DDX11: variants seen among roughly 807,000 people sequenced by gnomAD.
DDX11 encodes DEAD/H-box helicase 11, also known as ATP-dependent DNA helicase DDX11.
In DDX11, 72 loss-of-function variants were observed where a neutral mutation model predicts 125.2. That is an observed-to-expected ratio of 0.58 (90% CI 0.48 to 0.70). The LOEUF is 0.70. Among genes scored for constraint, DDX11 ranks in the 30% least tolerant of loss-of-function variants. The pLI is 0.00. For synonymous variants in DDX11, 347 were observed against 452.6 expected (o/e 0.77, Z 2.96); for missense variants, 883 against 1,165.0 (o/e 0.76, Z 3.52).
intron 1 of DDX11, among the ~76,000 whole-genome samples, chr12:31,076,398 T>G (rs1267959820): frequency 6.6e-6 from 1 of 152,136 alleles, no homozygotes; most frequent in Non-Finnish European, 1.5e-5. Flanking sequence ...TCTGCCTCTG[T>G]TTTTGGCTTT....
intron 7 of DDX11, 53 bp downstream of exon 7, chr12:31,089,204 A>G (rs1358678625): frequency 6.5e-7 from 1 of 1,534,892 alleles, no homozygotes; most frequent in Non-Finnish European, 9.0e-7. Context: ...TTTCGCCACA[A>G]CTTTGTCCTG....
chr12:31,081,552 G>C (rs534642589), intron 2 of DDX11, among the ~76,000 whole-genome samples: 27 of 151,404 alleles, frequency 1.8e-4, no homozygotes, highest in Non-Finnish European at 3.7e-4. Context: ...CATGCTTTGC[G>C]GGGATCTATG....
intron 2 of DDX11, among the ~76,000 whole-genome samples, chr12:31,079,098 C>A (rs1941332119): frequency 6.6e-6 from 1 of 152,178 alleles, no homozygotes; most frequent in African/African-American, 2.4e-5. Context: ...CCCTCCCGTT[C>A]CCCATCCTTC....
At chr12:31,088,549 A>C (rs1487865867) in intron 6 of DDX11, among the ~76,000 whole-genome samples, 2 of 151,642 alleles carry the variant, frequency 1.3e-5, no homozygotes, top group Non-Finnish European at 2.9e-5. Flanking sequence ...TTGATTTATG[A>C]CTTGTTTTCT....
intron 5 of DDX11, 154 bp from the exon 6 acceptor site, chr12:31,087,784 C>A: frequency 7.3e-7 from 1 of 1,369,186 alleles, no homozygotes; most frequent in Non-Finnish European, 1.0e-6. Context: ...TGGCATTTGC[C>A]TGGGGGAGTT....
chr12:31,087,825 G>T (rs1168998783), intron 5 of DDX11, 113 bp from the exon 6 acceptor site: 11 of 1,497,504 alleles, frequency 7.3e-6, no homozygotes, highest in Non-Finnish European at 8.1e-6. Flanking sequence ...TACCTTGGTG[G>T]AACCCATTGC....
At chr12:31,082,970 C>G (rs1361006983) in intron 2 of DDX11, among the ~76,000 whole-genome samples, 1 of 152,174 alleles carries the variant, frequency 6.6e-6, no homozygotes, top group African/African-American at 2.4e-5. Flanking sequence ...GATATTAGCC[C>G]TTTAGGCTGG....
chr12:31,075,766 G>A (rs1199936033), intron 1 of DDX11, among the ~76,000 whole-genome samples: 1 of 152,220 alleles, frequency 6.6e-6, no homozygotes, highest in Non-Finnish European at 1.5e-5. Flanking sequence ...TGGAGCCAGA[G>A]AAGAGCAAGA....
chr12:31,099,080 C>CTTTTTTTTTTTTT lies in DDX11; in HGVS notation c.1875+1086_1875+1087insTTTTTTTTTTTTT, dbSNP rs1467965765. Among the ~76,000 whole-genome samples the CTTTTTTTTTTTTT allele has an allele frequency of 6.7e-3, 542 of 80,976 alleles. 60 individuals carry two copies. The highest frequency in any genetic ancestry group is 9.0e-3 in the East Asian group (21 of 2,342). 53.1% of individuals were successfully genotyped at this position (80,976 alleles called of 152,430 possible). A position where few individuals can be genotyped will look rare whatever the true frequency, so the allele number is the denominator to read the frequency against. Reference sequence around the variant, plus strand: ...AATCCATACTGGTATTTCTTTCTTTCTTTCTTTTTTTTTTTTTTTTTTTTT... The same window carrying CTTTTTTTTTTTTT: ...AATCCATACTGGTATTTCTTTCTTTCTTTTTTTTTTTTTTTTCTTTTTTTTTTTTTTTTTTTTT... On this transcript the variant is annotated intron_variant, in intron 18 of 26. Coordinates refer to ENST00000542838, the MANE Select transcript of DDX11 (RefSeq NM_030653.4).
intron 17 of DDX11, 61 bp downstream of exon 17, chr12:31,097,051 G>C (rs543298119): frequency 2.5e-6 from 4 of 1,604,734 alleles, no homozygotes; most frequent in Non-Finnish European, 3.4e-6. Context: ...GAGCCCGGGA[G>C]CCGCAGCGTG....
In DDX11 at chr12:31,102,519, C is replaced by A; in HGVS notation, c.2364C>A (p.Asn788Lys). 6.2e-7 allele frequency: 1 copy of A among 1,613,482 alleles called. No homozygotes were observed. Among genetic ancestry groups the A allele is most frequent in the African/African-American group, 1.3e-5 (1 of 75,026 alleles). The change falls in exon 23 of 27, where the codon AAC (asparagine) becomes AAA (lysine). Residue 788 changes from asparagine to lysine, a missense_variant. By Grantham distance (94) the Asn-to-Lys change is moderately conservative. Transcript: ENST00000542838. ...GTGAAGGGATCAACTTCTCTGACAA[C>A]CTAGGCCGGTAAGTAGTGGTTCTGC... Reference protein sequence around the residue: ...KMSEGINFSDNLGRCVVMVGM... With the variant: ...KMSEGINFSDKLGRCVVMVGM...
chr12:31,090,577 T>C (rs1409200251), intron 9 of DDX11, among the ~76,000 whole-genome samples: 1 of 152,178 alleles, frequency 6.6e-6, no homozygotes, highest in Non-Finnish European at 1.5e-5. Flanking sequence ...GAATACTGTC[T>C]TCTCTGCCTC....
At chr12:31,092,945 TG>T in intron 11 of DDX11, 53 bp downstream of exon 11, 1 of 1,602,966 alleles carries the variant, frequency 6.2e-7, no homozygotes, top group Non-Finnish European at 8.5e-7. Context: ...GCCCCCTGCG[TG>T]GGCCTCTGAG....
rs1285156422 is a variant in DDX11, at chr12:31,103,326, C to T, written c.2467C>T (p.Pro823Ser). 4 of 1,611,082 alleles carry T rather than the reference C, an allele frequency of 2.5e-6. No homozygotes were observed. The highest frequency in any genetic ancestry group is 2.2e-5 in the South Asian group (2 of 90,668). Reference protein sequence around the residue: ...AYLDQTLPRAPGQAPPGKALV... With the variant: ...AYLDQTLPRASGQAPPGKALV... ...TCCCCTTCACTCCCAGCCCAGAGCCCCCGGCCAGGCACCCCCAGGGAAGGC... is the reference window on the plus strand; with the variant it reads ...TCCCCTTCACTCCCAGCCCAGAGCCTCCGGCCAGGCACCCCCAGGGAAGGC... The change falls in exon 25 of 27, where the codon CCC becomes TCC. Residue 823 changes from proline to serine, a missense_variant. Coordinates refer to ENST00000542838, the MANE Select transcript of DDX11 (RefSeq NM_030653.4).
At position 31,095,850 on chromosome 12, in the gene DDX11, G is replaced by A. The variant is rs1266246297; in HGVS notation, c.1483-491G>A. Among the ~76,000 whole-genome samples the A allele has an allele frequency of 1.3e-5, 2 of 152,044 alleles. 1 individual carries two copies. Among genetic ancestry groups the A allele is most frequent in the African/African-American group, 4.8e-5 (2 of 41,394 alleles). ...GAGGGAATCCTCATCGAAGGACGTC[G>A]CTCTTTTTAGAAACCGGTTTAAAGG... On this transcript the variant is annotated intron_variant, in intron 14 of 26. Coordinates refer to ENST00000542838, the MANE Select transcript of DDX11 (RefSeq NM_030653.4).
rs540933163 is a variant in DDX11 at position 31,101,552 on chromosome 12, G to A, written c.2053-281G>A. The stretch of plus-strand genomic sequence containing the variant: ...CCCATCAGGACCCTGGACAGAAGAA[G>A]GGAGGACTCAGTGCCAGGGCAATAG... On this transcript the variant is annotated intron_variant, in intron 20 of 26. Coordinates refer to ENST00000542838, the MANE Select transcript of DDX11 (RefSeq NM_030653.4). 411 of 522,170 alleles carry A rather than the reference G, an allele frequency of 7.9e-4. 3 individuals carry two copies. The highest frequency in any genetic ancestry group is 7.2e-3 in the African/African-American group (375 of 52,192). The allele number at this position is 522,170 out of a possible 1,614,324, so 32.3% of individuals were successfully genotyped here.
chr12:31,099,841 T>C (rs1946064070), intron 18 of DDX11, among the ~76,000 whole-genome samples: 1 of 152,006 alleles, frequency 6.6e-6, no homozygotes, highest in Admixed American at 6.6e-5. Context: ...TTCCAGCCCA[T>C]TCCCCACCCC....
intron 1 of DDX11, among the ~76,000 whole-genome samples, chr12:31,075,114 T>C (rs957342872): frequency 3.9e-5 from 6 of 152,206 alleles, no homozygotes; most frequent in Non-Finnish European, 8.8e-5. Flanking sequence ...GCCTTGGCAC[T>C]GGGAGGTGAT....
At position 31,096,325 on chromosome 12, in the gene DDX11, G is replaced by A; in HGVS notation, c.1483-16G>A. The A allele has an allele frequency of 6.3e-7, 1 of 1,585,156 alleles. No individual in the cohort carries two copies. The highest frequency in any genetic ancestry group is 8.6e-7 in the Non-Finnish European group (1 of 1,157,162). The stretch of plus-strand genomic sequence containing the variant: ...CAGTTTGCACTCATGCCTACAGCTG[G>A]GCTTGGTTTTTGCAGGTGCAGCGAT... On this transcript the variant is annotated splice_polypyrimidine_tract_variant and intron_variant, in intron 14 of 26. Coordinates refer to ENST00000542838, the MANE Select transcript of DDX11 (RefSeq NM_030653.4).
Sources: gnomAD v4.1 joint callset for allele counts (sites outside exome capture counted in the v4.1 genomes callset) on GRCh38, gnomAD v4.1.1 for gene constraint, MANE v1.5 for transcripts, NCBI Gene and HGNC (gene_info 2026-07-23, HGNC 2026-07-21) for gene names.